Variants in CDK14 observed in about 807,000 individuals in gnomAD.
The protein encoded by CDK14 is cyclin-dependent kinase 14.
CDK14 carries 34 observed loss-of-function variants against 60.7 expected under a neutral mutation model. That is an observed-to-expected ratio of 0.56 (90% CI 0.43 to 0.75). The LOEUF (loss-of-function observed/expected upper bound fraction) is 0.75, where lower values mean the gene tolerates loss of function less well. CDK14 is among the 30% of genes least tolerant of loss of function. CDK14 has a pLI of 0.00. For missense variants in CDK14, 482 were observed against 564.1 expected (o/e 0.85, Z 1.47); for synonymous variants, 197 against 203.7 (o/e 0.97, Z 0.28).
At chr7:90,812,349 C>T (rs914087854) in intron 5 of CDK14, among the ~76,000 whole-genome samples, 2 of 152,120 alleles carry the variant, frequency 1.3e-5, no homozygotes, top group Admixed American at 6.5e-5. Flanking sequence ...CCATCATTCT[C>T]AGCAAACTAT....
chr7:91,209,239 T>G lies in CDK14; in HGVS notation c.*2103T>G, dbSNP rs970051546. The G allele has an allele frequency of 1.3e-5, 2 of 152,182 alleles. No homozygotes were observed. The highest frequency in any genetic ancestry group is 4.8e-5 in the African/African-American group (2 of 41,442). The allele number at this position is 152,182 out of a possible 1,614,324, so 9.4% of individuals were successfully genotyped here. A position where few individuals can be genotyped will look rare whatever the true frequency, so the allele number is the denominator to read the frequency against. The stretch of plus-strand genomic sequence containing the variant: ...TTCAATTAGGGCTATTAGAGTTATA[T>G]CTCCCTGTCGTAGGCAGCTTCTTCG... On this transcript the variant is annotated 3_prime_UTR_variant, in exon 15 of 15. Transcript: ENST00000380050.
At chr7:91,061,480 T>G (rs1267219921) in intron 11 of CDK14, among the ~76,000 whole-genome samples, 1 of 152,220 alleles carries the variant, frequency 6.6e-6, no homozygotes, top group Non-Finnish European at 1.5e-5. Context: ...GGCACTCTGA[T>G]TTTTAAAATT....
intron 11 of CDK14, among the ~76,000 whole-genome samples, chr7:91,052,235 G>A (rs951708700): frequency 1.3e-5 from 2 of 152,162 alleles, no homozygotes; most frequent in Non-Finnish European, 2.9e-5. Flanking sequence ...GGAACCTGAG[G>A]TCCAGAGATG....
At chr7:90,659,620 A>G (rs1181200348) in intron 2 of CDK14, among the ~76,000 whole-genome samples, 2 of 152,190 alleles carry the variant, frequency 1.3e-5, no homozygotes, top group African/African-American at 4.8e-5. Flanking sequence ...TTTGGTTAAA[A>G]AAGAAAAAGC....
At chr7:90,700,433 G>A (rs1034480652) in intron 2 of CDK14, among the ~76,000 whole-genome samples, 1 of 152,048 alleles carries the variant, frequency 6.6e-6, no homozygotes, top group African/African-American at 2.4e-5. Context: ...AACCGTACTT[G>A]GAGTACTTGG....
intron 2 of CDK14, among the ~76,000 whole-genome samples, chr7:90,645,311 G>A (rs2116455397): frequency 6.6e-6 from 1 of 152,036 alleles, no homozygotes; most frequent in South Asian, 2.1e-4. Context: ...GGCTTACAAT[G>A]TTTCAGTCCA....
Position 90,824,115 on chromosome 7 carries a change from T to C in CDK14, c.544+33463T>C, listed in dbSNP as rs150724040. 2.3e-3 allele frequency among the ~76,000 whole-genome samples: 354 copies of C among 152,286 alleles called. 1 individual carries two copies. Among genetic ancestry groups the C allele is most frequent in the South Asian group, 4.8e-3 (23 of 4,828 alleles). On this transcript the variant is annotated intron_variant, in intron 5 of 14. Transcript: ENST00000380050. ...TCAGGAACGGTTATATTAACAGATG[T>C]AGGTGTGACTGAAGCTTAATTTTGG... is the stretch of plus-strand genomic sequence containing the variant.
rs148917249 is a variant in CDK14 at position 91,034,748 on chromosome 7, A to G, written c.1042-11149A>G. 9.8e-4 allele frequency among the ~76,000 whole-genome samples: 150 copies of G among 152,314 alleles called. 1 individual carries two copies. In the East Asian group the frequency reaches 0.023, roughly 23 times the overall value. ...TCTGCTGCTCCGCAAAACACAACCCAGAATCATAGTATTTTAAGGAAGATT... is the reference window on the plus strand; with the variant it reads ...TCTGCTGCTCCGCAAAACACAACCCGGAATCATAGTATTTTAAGGAAGATT... On this transcript the variant is annotated intron_variant, in intron 10 of 14. Coordinates refer to ENST00000380050, the MANE Select transcript of CDK14 (RefSeq NM_001287135.2).
chr7:91,065,021 AT>A (rs1280201789), intron 11 of CDK14, among the ~76,000 whole-genome samples: 1 of 152,188 alleles, frequency 6.6e-6, no homozygotes, highest in African/African-American at 2.4e-5. Flanking sequence ...TAACCCCACA[AT>A]GTTATTTCTA....
At chr7:90,725,565 G>C (rs1468731639) in intron 2 of CDK14, among the ~76,000 whole-genome samples, 1 of 151,956 alleles carries the variant, frequency 6.6e-6, no homozygotes, top group Non-Finnish European at 1.5e-5. Context: ...AAATATCTTC[G>C]GTTTTTCTGC....
chr7:90,904,992 G>T (rs1014064948), intron 7 of CDK14, among the ~76,000 whole-genome samples: 9 of 152,154 alleles, frequency 5.9e-5, no homozygotes, highest in Non-Finnish European at 5.9e-5. Context: ...ACCATTTTCA[G>T]ATGCACAAGG....
At chr7:90,619,843 A>C (rs1332821542) in intron 2 of CDK14, among the ~76,000 whole-genome samples, 1 of 152,230 alleles carries the variant, frequency 6.6e-6, no homozygotes, top group Non-Finnish European at 1.5e-5. Context: ...TAAAAAATAC[A>C]AAAGTTAGCT....
chr7:90,610,998 T>C (rs1349121329), intron 2 of CDK14, among the ~76,000 whole-genome samples: 1 of 152,212 alleles, frequency 6.6e-6, no homozygotes, highest in Non-Finnish European at 1.5e-5. Flanking sequence ...TACCCTCATT[T>C]GCTCCAGTCT....
chr7:90,795,246 C>T lies in CDK14; in HGVS notation c.544+4594C>T, dbSNP rs559639704. 1.9e-4 allele frequency among the ~76,000 whole-genome samples: 29 copies of T among 152,032 alleles called. No individual in the cohort carries two copies. In the South Asian group the frequency reaches 4.8e-3, roughly 25 times the overall value. Reference sequence around the variant, plus strand: ...ACTTGTTCATATTTTGGAAAAATTCCTTAGTGGCAGTGCTGCTTGTGTTAT... The same window carrying T: ...ACTTGTTCATATTTTGGAAAAATTCTTTAGTGGCAGTGCTGCTTGTGTTAT... On this transcript the variant is annotated intron_variant, in intron 5 of 14. Coordinates refer to ENST00000380050, the MANE Select transcript of CDK14 (RefSeq NM_001287135.2).
At position 90,634,404 on chromosome 7, in the gene CDK14, C is replaced by T. The variant is rs563353263; in HGVS notation, c.123+30155C>T. Among the ~76,000 whole-genome samples the T allele has an allele frequency of 1.8e-3, 267 of 150,314 alleles. 1 individual carries two copies. Among genetic ancestry groups the T allele is most frequent in the African/African-American group, 6.2e-3 (252 of 40,902 alleles). On this transcript the variant is annotated intron_variant, in intron 2 of 14. Coordinates refer to ENST00000380050, the MANE Select transcript of CDK14 (RefSeq NM_001287135.2). Reference sequence around the variant, plus strand: ...TGCAGTGTTTGGTTTTTTGTCCTTGCGATAGTTTACTGAGAATGATTTCCA... The same window carrying T: ...TGCAGTGTTTGGTTTTTTGTCCTTGTGATAGTTTACTGAGAATGATTTCCA...
At chr7:91,003,862 A>G (rs1240516782) in intron 10 of CDK14, among the ~76,000 whole-genome samples, 2 of 152,186 alleles carry the variant, frequency 1.3e-5, no homozygotes, top group African/African-American at 2.4e-5. Context: ...GGCAGTAAGT[A>G]AACTCCATTG....
At chr7:90,976,357 CT>C (rs908753199) in intron 9 of CDK14, among the ~76,000 whole-genome samples, 11 of 151,606 alleles carry the variant, frequency 7.3e-5, no homozygotes, top group Middle Eastern at 3.2e-3. Flanking sequence ...TGTCCCCCCG[CT>C]TTTTTTTCTT....
At chr7:90,734,661 A>G (rs1031808615) in intron 3 of CDK14, among the ~76,000 whole-genome samples, 1 of 152,018 alleles carries the variant, frequency 6.6e-6, no homozygotes, top group African/African-American at 2.4e-5. Flanking sequence ...CAGCTCCATT[A>G]GTTCATTTAT....
At chr7:90,672,759 C>T (rs1801123091) in intron 2 of CDK14, among the ~76,000 whole-genome samples, 1 of 151,786 alleles carries the variant, frequency 6.6e-6, no homozygotes, top group South Asian at 2.1e-4. Flanking sequence ...CCTGGGTCAT[C>T]CACCCACCTC....
Sources: gnomAD v4.1 joint callset for allele counts (sites outside exome capture counted in the v4.1 genomes callset) on GRCh38, gnomAD v4.1.1 for gene constraint, MANE v1.5 for transcripts, NCBI Gene and HGNC (gene_info 2026-07-23, HGNC 2026-07-21) for gene names.